Variants in IL4R observed in about 807,000 individuals in gnomAD.
IL4R encodes interleukin-4 receptor subunit alpha.
Under a neutral mutation model 41.5 loss-of-function variants are expected in IL4R, and 17 were observed. That is an observed-to-expected ratio of 0.41 (90% CI 0.28 to 0.61). IL4R has a LOEUF of 0.61. Ranked by LOEUF, IL4R falls within the 20% of genes least tolerant of loss-of-function variation. The probability of loss-of-function intolerance (pLI) is 0.31; values close to 1 mark genes in which losing one functional copy is unlikely to be tolerated. For synonymous variants in IL4R, 402 were observed against 422.9 expected (o/e 0.95, Z 0.61); for missense variants, 974 against 1,043.1 (o/e 0.93, Z 0.91).
intron 2 of IL4R, among the ~76,000 whole-genome samples, chr16:27,334,569 G>A (rs546950194): frequency 4.6e-5 from 7 of 152,210 alleles, no homozygotes; most frequent in African/African-American, 1.4e-4. Flanking sequence ...CTTTGGACAG[G>A]CGTCTTGGCC....
intron 1 of IL4R, among the ~76,000 whole-genome samples, chr16:27,328,500 A>C (rs940116156): frequency 6.6e-6 from 1 of 152,076 alleles, no homozygotes; most frequent in Non-Finnish European, 1.5e-5. Context: ...CGGCCTCCCA[A>C]AGTGCTGGGA....
chr16:27,316,925 C>G (rs947095607), intron 1 of IL4R, among the ~76,000 whole-genome samples: 2 of 139,794 alleles, frequency 1.4e-5, no homozygotes, highest in African/African-American at 5.4e-5. Flanking sequence ...TTTTTTAGAG[C>G]CATGGTCTCT....
chr16:27,363,080 G>C lies in IL4R; in HGVS notation c.1728G>C (p.Gln576His). 2 of 1,614,136 alleles carry C rather than the reference G, an allele frequency of 1.2e-6. No individual in the cohort carries two copies. The highest frequency in any genetic ancestry group is 1.7e-6 in the Non-Finnish European group (2 of 1,180,046). The change falls in exon 11 of 11, where the codon CAG becomes CAC. Residue 576 changes from glutamine to histidine, a missense_variant. Physicochemically the swap from Gln to His is conservative, Grantham distance 24. This residue lies in a region of IL4R where 682 missense variants were observed against 704.3 expected (regional missense o/e 0.97). Coordinates refer to ENST00000395762, the MANE Select transcript of IL4R (RefSeq NM_000418.4). Reference protein sequence around the residue: ...APVSAPTSGYQEFVHAVEQGG... With the variant: ...APVSAPTSGYHEFVHAVEQGG... ...TCTCGGCCCCCACCAGTGGCTATCA[G>C]GAGTTTGTACATGCGGTGGAGCAGG... is the stretch of plus-strand genomic sequence containing the variant.
At chr16:27,318,668 T>G (rs2084718362) in intron 1 of IL4R, 1 of 152,266 alleles carries the variant, frequency 6.6e-6, no homozygotes, top group African/African-American at 2.4e-5. Flanking sequence ...TCTTCTCGTT[T>G]GCTTAAGAAA....
chr16:27,361,610 CTTTTTTTTTTTT>C (rs34798776), intron 10 of IL4R, among the ~76,000 whole-genome samples: 3 of 111,772 alleles, frequency 2.7e-5, no homozygotes, highest in South Asian at 3.2e-4. Context: ...GATCCCGCAT[CTTTTTTTTTTTT>C]TTTTTTTTTT....
Position 27,362,693 on chromosome 16 carries a change from G to A in IL4R, c.1341G>A (p.Glu447=), listed in dbSNP as rs909588154. ...CGAGTGCTCACATGCCCTGGGATGA[G>A]TTCCCAAGTGCAGGGCCCAAGGAGG... ...GSTSAHMPWD[E]FPSAGPKEAP... Residue 447 remains glutamate (E), a synonymous_variant, in exon 11 of 11, where the codon GAG becomes GAA. Transcript: ENST00000395762. 5 of 1,614,034 alleles carry A rather than the reference G, an allele frequency of 3.1e-6. No homozygotes were observed. Among genetic ancestry groups the A allele is most frequent in the Non-Finnish European group, 4.2e-6 (5 of 1,180,016 alleles).
At chr16:27,350,469 C>T (rs1345780265) in intron 6 of IL4R, among the ~76,000 whole-genome samples, 1 of 152,028 alleles carries the variant, frequency 6.6e-6, no homozygotes, top group Non-Finnish European at 1.5e-5. Context: ...GTGAAAAAAC[C>T]TCCCCTTGGC....
rs141065635 is a variant in IL4R, at chr16:27,343,179, G to C, written c.209+920G>C. 5.7e-3 allele frequency among the ~76,000 whole-genome samples: 861 copies of C among 152,292 alleles called. 4 individuals carry two copies. Among genetic ancestry groups the C allele is most frequent in the African/African-American group, 0.02 (828 of 41,560 alleles). ...ACACAAGACACACAGTTACGGGGCA[G>C]ACTGGGGATATACGGCACACCAGCA... On this transcript the variant is annotated intron_variant, in intron 4 of 10. Transcript: ENST00000395762.
At chr16:27,319,256 T>C (rs2084740209) in intron 1 of IL4R, among the ~76,000 whole-genome samples, 1 of 152,206 alleles carries the variant, frequency 6.6e-6, no homozygotes, top group South Asian at 2.1e-4. Context: ...TGGGGCCAGA[T>C]ACCTGCATTG....
In IL4R at chr16:27,340,208, G is replaced by A; in HGVS notation, c.5G>A (p.Gly2Glu). The A allele has an allele frequency of 2.5e-6, 4 of 1,613,612 alleles. No homozygotes were observed. The highest frequency in any genetic ancestry group is 3.4e-6 in the Non-Finnish European group (4 of 1,179,906). Reference sequence around the variant, plus strand: ...CAGGTGCCTTGGCATCTCCCAATGGGGTGGCTTTGCTCTGGGCTCCTGTTC... The same window carrying A: ...CAGGTGCCTTGGCATCTCCCAATGGAGTGGCTTTGCTCTGGGCTCCTGTTC... Reference protein sequence around the residue: MGWLCSGLLFPV... With the variant: MEWLCSGLLFPV... The change falls in exon 3 of 11, where the codon GGG becomes GAG. Residue 2 changes from glycine (G) to glutamate (E), a missense_variant. Transcript: ENST00000395762.
chr16:27,320,668 A>G (rs1358548024), intron 1 of IL4R, among the ~76,000 whole-genome samples: 1 of 152,224 alleles, frequency 6.6e-6, no homozygotes, highest in African/African-American at 2.4e-5. Flanking sequence ...GAAATCAGTG[A>G]GCATAGTCGC....
At chr16:27,348,714 G>C (rs1350768367) in intron 6 of IL4R, among the ~76,000 whole-genome samples, 1 of 152,220 alleles carries the variant, frequency 6.6e-6, no homozygotes, top group Admixed American at 6.5e-5. Flanking sequence ...TGTGGGTGGA[G>C]AGAGGGTGCT....
At chr16:27,321,931 T>A (rs911809362) in intron 1 of IL4R, among the ~76,000 whole-genome samples, 2 of 152,192 alleles carry the variant, frequency 1.3e-5, no homozygotes, top group Admixed American at 1.3e-4. Context: ...ATGTGGTTCC[T>A]ATAATATCAG....
rs2086388192 is a variant in IL4R at position 27,363,621 on chromosome 16, ACC to A, written c.2274_2275del (p.Leu759GlufsTer31). 6.2e-7 allele frequency: 1 copy of A among 1,612,086 alleles called. No individual in the cohort carries two copies. The highest frequency in any genetic ancestry group is 8.5e-7 in the Non-Finnish European group (1 of 1,179,488). ...TGGAGACAGGTCCTCGCCCCCTACA[ACC>A]CCCCTGAGGGCCCCAGACCCCTCTC... ...CCGDRSSPPT[T>X]PLRAPDPSPG... On this transcript the variant is annotated frameshift_variant, in exon 11 of 11. Transcript: ENST00000395762. LOFTEE classifies it low-confidence loss of function (END_TRUNC).
intron 7 of IL4R, chr16:27,355,373 A>G: frequency 3.5e-6 from 1 of 287,898 alleles, no homozygotes. Flanking sequence ...TTCTGAGTGC[A>G]TTATCTATTG....
At chr16:27,340,328 T>A (rs1218969239) in intron 3 of IL4R, 55 bp downstream of exon 3, 2 of 1,359,100 alleles carry the variant, frequency 1.5e-6, no homozygotes, top group Non-Finnish European at 1.1e-6. Flanking sequence ...CGTGCCAGGG[T>A]CCTGCAGTAT....
intron 6 of IL4R, among the ~76,000 whole-genome samples, chr16:27,350,682 A>G (rs1413339607): frequency 2.6e-5 from 4 of 152,194 alleles, no homozygotes; most frequent in African/African-American, 9.6e-5. Context: ...GCGTTCATGT[A>G]TCACTTTTTA....
At chr16:27,350,121 C>T (rs1169346881) in intron 6 of IL4R, among the ~76,000 whole-genome samples, 1 of 152,192 alleles carries the variant, frequency 6.6e-6, no homozygotes, top group Non-Finnish European at 1.5e-5. Flanking sequence ...GGACATTTCT[C>T]TCAGAGATGG....
chr16:27,332,496 G>C (rs2085139625), intron 2 of IL4R, among the ~76,000 whole-genome samples: 1 of 152,008 alleles, frequency 6.6e-6, no homozygotes, highest in Non-Finnish European at 1.5e-5. Context: ...TACAATTCAA[G>C]GTGAGATTTG....
Sources: allele counts gnomAD v4.1 joint callset (sites outside exome capture counted in the v4.1 genomes callset), GRCh38; gene constraint gnomAD v4.1.1; regional missense constraint gnomAD v4.1.1; transcripts MANE v1.5; gene names NCBI Gene and HGNC (gene_info 2026-07-23, HGNC 2026-07-21).